The following ZNF596 variants were observed in gnomAD, a reference collection of about 807,000 sequenced individuals.
ZNF596 encodes the protein zinc finger protein 596.
ZNF596 carries 45 observed loss-of-function variants against 48.3 expected under a neutral mutation model. The ratio of observed to expected loss-of-function variants is 0.93; its 90% CI spans 0.73 to 1.19. ZNF596 has a LOEUF of 1.19. Ranked by LOEUF, ZNF596 falls within the 50% of genes most tolerant of loss-of-function variation. The probability of loss-of-function intolerance (pLI) is 0.00; values close to 1 mark genes in which losing one functional copy is unlikely to be tolerated. For missense variants in ZNF596, 848 were observed against 599.7 expected (o/e 1.41, Z -4.32); for synonymous variants, 270 against 202.0 (o/e 1.34, Z -2.85).
chr8:245,748 CACTT>C lies in ZNF596; in HGVS notation c.903_906del (p.His301GlnfsTer201), dbSNP rs756547649. The C allele has an allele frequency of 3.1e-5, 50 of 1,614,088 alleles. No individual in the cohort carries two copies. Among genetic ancestry groups the C allele is most frequent in the African/African-American group, 2.0e-4 (15 of 75,030 alleles). ...TGACCTTAGAAAACATGAGAGAACT[CACTT>C]AGGAGATAAACCATATGGATGTCTC... On this transcript the variant is annotated frameshift_variant, in exon 6 of 6. Coordinates refer to ENST00000398612, the MANE Select transcript of ZNF596 (RefSeq NM_001042416.3). LOFTEE classifies it high-confidence loss of function.
At chr8:234,752 G>C (rs1273981268) in intron 1 of ZNF596, 1 of 152,182 alleles carries the variant, frequency 6.6e-6, no homozygotes, top group Non-Finnish European at 1.5e-5. Context: ...CTGTGACCCA[G>C]TGAATTCGAA....
At position 247,155 on chromosome 8, in the gene ZNF596, A is replaced by C. The variant is rs973612504; in HGVS notation, c.*793A>C. On this transcript the variant is annotated 3_prime_UTR_variant, in exon 6 of 6. Coordinates refer to ENST00000398612, the MANE Select transcript of ZNF596 (RefSeq NM_001042416.3). ...AAAACTCTAAAAAGCCATTGATGAGATGTATAGCTGGGGGACAAAACATAA... is the reference window on the plus strand; with the variant it reads ...AAAACTCTAAAAAGCCATTGATGAGCTGTATAGCTGGGGGACAAAACATAA... 1 of 152,186 alleles carries C rather than the reference A, an allele frequency of 6.6e-6. No individual in the cohort carries two copies. Among genetic ancestry groups the C allele is most frequent in the Non-Finnish European group, 1.5e-5 (1 of 68,032 alleles). 9.4% of individuals were successfully genotyped at this position (152,186 alleles called of 1,614,324 possible). A position where few individuals can be genotyped will look rare whatever the true frequency, so the allele number is the denominator to read the frequency against.
chr8:243,900 T>C, intron 4 of ZNF596, 95 bp downstream of exon 4: 1 of 1,097,104 alleles, frequency 9.1e-7, no homozygotes, highest in Non-Finnish European at 1.3e-6. Context: ...ATTTCTTTTG[T>C]TTTTTTAGAC....
intron 1 of ZNF596, chr8:240,564 T>C: frequency 3.4e-6 from 1 of 291,992 alleles, no homozygotes; most frequent in Non-Finnish European, 6.4e-6. Flanking sequence ...GAATTAAACA[T>C]TTCAGAATTC....
chr8:236,473 C>G (rs184226365), intron 1 of ZNF596, among the ~76,000 whole-genome samples: 1 of 152,078 alleles, frequency 6.6e-6, no homozygotes, highest in Non-Finnish European at 1.5e-5. Flanking sequence ...TCAGCCTCAC[C>G]CAGCCTCCTT....
chr8:244,756 C>T, intron 5 of ZNF596, 55 bp downstream of exon 5: 1 of 1,473,676 alleles, frequency 6.8e-7, no homozygotes, highest in African/African-American at 1.4e-5. Flanking sequence ...GGACATTAAA[C>T]AACTTTGGAA....
chr8:244,271 T>C (rs1037173474), intron 4 of ZNF596: 14 of 267,908 alleles, frequency 5.2e-5, no homozygotes, highest in Non-Finnish European at 7.0e-6. Context: ...GTCATTATAC[T>C]TTGTAGGTAT....
chr8:244,791 T>C (rs1796997458), intron 5 of ZNF596, 90 bp downstream of exon 5: 2 of 1,040,246 alleles, frequency 1.9e-6, no homozygotes, highest in Middle Eastern at 2.1e-4. Context: ...CTGACTGTAC[T>C]TAAAGCCCTC....
chr8:242,498 C>G (rs566322857), intron 2 of ZNF596, among the ~76,000 whole-genome samples: 1 of 150,236 alleles, frequency 6.7e-6, no homozygotes, highest in Admixed American at 6.6e-5. Flanking sequence ...TTGATTAAAA[C>G]GTGACAAATT....
intron 1 of ZNF596, chr8:234,678 C>T (rs1050531843): frequency 1.1e-4 from 16 of 152,198 alleles, no homozygotes; most frequent in African/African-American, 2.9e-4. Context: ...CTGACCCTGC[C>T]TAACACATTT....
chr8:245,070 G>A, intron 5 of ZNF596, 84 bp from the exon 6 acceptor site: 1 of 1,447,530 alleles, frequency 6.9e-7, no homozygotes, highest in South Asian at 1.4e-5. Context: ...GATTATTCTA[G>A]AATTAATATG....
At chr8:233,986 A>G (rs530332144) in intron 1 of ZNF596, among the ~76,000 whole-genome samples, 21 of 152,310 alleles carry the variant, frequency 1.4e-4, no homozygotes, top group African/African-American at 5.1e-4. Context: ...CACCGGCCCC[A>G]AGACACACAC....
At position 245,369 on chromosome 8, in the gene ZNF596, T is replaced by C. The variant is rs368055842; in HGVS notation, c.522T>C (p.Tyr174=). 65 of 1,614,180 alleles carry C rather than the reference T, an allele frequency of 4.0e-5. No homozygotes were observed. The highest frequency in any genetic ancestry group is 5.2e-5 in the Non-Finnish European group (61 of 1,180,002). ...CKSYGSHLFD[Y]AFIQNSALRP... is the part of the protein sequence containing the mutation. ...CATATGGAAGTCATCTATTTGATTA[T>C]GCCTTTATCCAAAACTCTGCCCTTA... Residue 174 remains tyrosine, a synonymous_variant, in exon 6 of 6, where the codon TAT becomes TAC. Transcript: ENST00000398612.
At position 242,911 on chromosome 8, in the gene ZNF596, A is replaced by C. The variant is rs777079592; in HGVS notation, c.37A>C (p.Ile13Leu). 2 of 1,590,048 alleles carry C rather than the reference A, an allele frequency of 1.3e-6. No homozygotes were observed. Among genetic ancestry groups the C allele is most frequent in the South Asian group, 2.2e-5 (2 of 89,190 alleles). The change falls in exon 3 of 6, where the codon ATT (isoleucine) becomes CTT (leucine). Residue 13 changes from isoleucine to leucine, a missense_variant. By Grantham distance (5) the Ile-to-Leu change is conservative. Coordinates refer to ENST00000398612, the MANE Select transcript of ZNF596 (RefSeq NM_001042416.3). Reference protein sequence around the residue: ...SPDSMTFEDIIVDFTQEEWAL... With the variant: ...SPDSMTFEDILVDFTQEEWAL... ...GGATTCCATGACCTTCGAGGATATC[A>C]TTGTAGACTTCACTCAAGAAGAGTG... is the stretch of plus-strand genomic sequence containing the variant.
chr8:237,958 G>A lies in ZNF596; in HGVS notation c.-72-2866G>A, dbSNP rs73521314. On this transcript the variant is annotated intron_variant, in intron 1 of 5. Coordinates refer to ENST00000398612, the MANE Select transcript of ZNF596 (RefSeq NM_001042416.3). ...GCATAACTCAGCTGTGGCCATTGGT[G>A]GATCTCATCCTTAGTACTAGTCCCT... 8.2e-3 allele frequency among the ~76,000 whole-genome samples: 1,254 copies of A among 152,308 alleles called. 21 individuals carry two copies. The highest frequency in any genetic ancestry group is 0.029 in the African/African-American group (1,186 of 41,560).
rs1195829164 is a variant in ZNF596 at position 245,880 on chromosome 8, T to G, written c.1033T>G (p.Ser345Ala). The change falls in exon 6 of 6, where the codon TCT becomes GCT. Residue 345 changes from serine to alanine, a missense_variant. Ser to Ala is a moderately conservative substitution (Grantham distance 99). Transcript: ENST00000398612. ...ATGTCATCTATGTGGAAAAGCCTTC[T>G]CTCATTGTTCTCACCTTAGACAACA... Reference protein sequence around the residue: ...YECHLCGKAFSHCSHLRQHER... With the variant: ...YECHLCGKAFAHCSHLRQHER... The G allele has an allele frequency of 6.2e-7, 1 of 1,608,798 alleles. No homozygotes were observed. Among genetic ancestry groups the G allele is most frequent in the Non-Finnish European group, 8.5e-7 (1 of 1,178,320 alleles).
chr8:243,140 T>C, intron 3 of ZNF596, 127 bp downstream of exon 3: 8 of 792,140 alleles, frequency 1.0e-5, no homozygotes, highest in Non-Finnish European at 1.5e-5. Flanking sequence ...CAACTTCTGC[T>C]TTGATCCTTT....
chr8:243,703 A>C lies in ZNF596; in HGVS notation c.140-19A>C, dbSNP rs754810616. On this transcript the variant is annotated intron_variant, in intron 3 of 5. Transcript: ENST00000398612. ...TCAGCACAGAACTCAAAATCCATGT[A>C]TCTTTTTCCCCAAAACAGGCAAACA... The C allele has an allele frequency of 1.2e-6, 2 of 1,612,254 alleles. No homozygotes were observed. The highest frequency in any genetic ancestry group is 1.7e-6 in the Non-Finnish European group (2 of 1,178,658).
chr8:245,813 T>C lies in ZNF596; in HGVS notation c.966T>C (p.Leu322=). 6.2e-7 allele frequency: 1 copy of C among 1,614,122 alleles called. No individual in the cohort carries two copies. Residue 322 remains leucine (L), a synonymous_variant, in exon 6 of 6, where the codon CTT becomes CTC. Coordinates refer to ENST00000398612, the MANE Select transcript of ZNF596 (RefSeq NM_001042416.3). ...AGGCTTTCAGTAAATGTTCTTACCT[T>C]AGACAACATGAAAGAACTCACAATG... is the stretch of plus-strand genomic sequence containing the variant. ...CGKAFSKCSY[L]RQHERTHNGE...
Sources: allele counts gnomAD v4.1 joint callset (sites outside exome capture counted in the v4.1 genomes callset), GRCh38; gene constraint gnomAD v4.1.1; transcripts MANE v1.5; gene names NCBI Gene and HGNC (gene_info 2026-07-23, HGNC 2026-07-21).